Variants in CSMD1 observed in about 807,000 individuals in gnomAD.
CSMD1 encodes CUB and sushi domain-containing protein 1.
In CSMD1, 213 loss-of-function variants were observed where a neutral mutation model predicts 417.5. The ratio of observed to expected loss-of-function variants is 0.51; its 90% CI spans 0.46 to 0.57. The LOEUF is 0.57. Ranked by LOEUF, CSMD1 falls within the 20% of genes least tolerant of loss-of-function variation. The probability of loss-of-function intolerance (pLI) is 0.00; values close to 1 mark genes in which losing one functional copy is unlikely to be tolerated. For synonymous variants in CSMD1, 2,862 were observed against 1,736.8 expected (o/e 1.65, Z -16.11); for missense variants, 6,923 against 4,529.7 (o/e 1.53, Z -15.17).
At chr8:4,542,996 G>T (rs999933996) in intron 2 of CSMD1, among the ~76,000 whole-genome samples, 1 of 152,130 alleles carries the variant, frequency 6.6e-6, no homozygotes, top group African/African-American at 2.4e-5. Context: ...CAAATTGATA[G>T]TCTATATTTT....
At chr8:3,238,553 T>TA (rs1263346986) in intron 26 of CSMD1, among the ~76,000 whole-genome samples, 1 of 152,030 alleles carries the variant, frequency 6.6e-6, no homozygotes, top group Admixed American at 6.6e-5. Flanking sequence ...CATGGGAACT[T>TA]AGAGTGGGAG....
At chr8:4,096,025 A>T (rs1800988312) in intron 3 of CSMD1, among the ~76,000 whole-genome samples, 1 of 151,168 alleles carries the variant, frequency 6.6e-6, no homozygotes, top group African/African-American at 2.5e-5. Flanking sequence ...ATAATAATTC[A>T]TGGGTATAAT....
intron 3 of CSMD1, among the ~76,000 whole-genome samples, chr8:4,363,761 G>A (rs893479305): frequency 6.6e-6 from 1 of 152,084 alleles, no homozygotes; most frequent in Non-Finnish European, 1.5e-5. Context: ...CATTTTTCAT[G>A]GCTGAATAGT....
At chr8:2,999,358 C>G (rs551524347) in intron 53 of CSMD1, among the ~76,000 whole-genome samples, 2 of 151,918 alleles carry the variant, frequency 1.3e-5, no homozygotes, top group African/African-American at 2.4e-5. Context: ...GTTTTGCCAT[C>G]GGCCAGGCTC....
intron 21 of CSMD1, among the ~76,000 whole-genome samples, chr8:3,357,269 AG>A (rs1808856400): frequency 6.6e-6 from 1 of 152,236 alleles, no homozygotes. Context: ...CGGTGGTTAA[AG>A]GCTGAGTTGC....
intron 26 of CSMD1, among the ~76,000 whole-genome samples, chr8:3,283,503 C>G (rs117093615): frequency 0.013 from 1,916 of 151,396 alleles, 17 homozygotes; most frequent in Middle Eastern, 0.02. Context: ...AAAAGAATTC[C>G]CTAAAACAAA....
At chr8:3,614,734 T>G (rs901353553) in intron 8 of CSMD1, among the ~76,000 whole-genome samples, 1 of 152,190 alleles carries the variant, frequency 6.6e-6, no homozygotes, top group Non-Finnish European at 1.5e-5. Flanking sequence ...ATACACAAAG[T>G]ATATATCACA....
At chr8:4,980,143 C>G (rs985764155) in intron 1 of CSMD1, among the ~76,000 whole-genome samples, 2 of 152,218 alleles carry the variant, frequency 1.3e-5, no homozygotes, top group African/African-American at 4.8e-5. Flanking sequence ...AGCAATAAAA[C>G]CCTGTAACAC....
rs1801320715 is a variant in CSMD1 at position 4,613,832 on chromosome 8, T to C, written c.302+23510A>G. ...GGGAAATGGTTCAATGATGGTGTTA[T>C]TTTTGAAAGCAGAAGGCTGTCTAAT... On this transcript the variant is annotated intron_variant, in intron 2 of 69. Coordinates refer to ENST00000635120, the MANE Select transcript of CSMD1 (RefSeq NM_033225.6). 2.7e-5 allele frequency among the ~76,000 whole-genome samples: 4 copies of C among 150,938 alleles called. No homozygotes were observed. In the South Asian group the frequency reaches 6.3e-4, roughly 24 times the overall value.
intron 5 of CSMD1, among the ~76,000 whole-genome samples, chr8:3,911,333 C>T (rs1261309809): frequency 6.6e-6 from 1 of 151,054 alleles, no homozygotes; most frequent in African/African-American, 2.4e-5. Context: ...GGCTATATAT[C>T]CTAGCTAACA....
At chr8:4,151,240 T>C (rs1162923770) in intron 3 of CSMD1, among the ~76,000 whole-genome samples, 1 of 152,184 alleles carries the variant, frequency 6.6e-6, no homozygotes, top group Non-Finnish European at 1.5e-5. Flanking sequence ...CGGTGAAGTT[T>C]ACTTGGAAAG....
At chr8:3,678,130 T>C (rs182035411) in intron 7 of CSMD1, among the ~76,000 whole-genome samples, 1 of 152,252 alleles carries the variant, frequency 6.6e-6, no homozygotes, top group East Asian at 1.9e-4. Context: ...AGGTGATTTC[T>C]GCATTTCCAG....
intron 7 of CSMD1, among the ~76,000 whole-genome samples, chr8:3,645,401 G>C (rs945643481): frequency 1.3e-5 from 2 of 152,308 alleles, no homozygotes; most frequent in Non-Finnish European, 2.9e-5. Flanking sequence ...GCTCGGCTTC[G>C]GGTGTCTGGG....
chr8:3,392,258 AAAAAT>A (rs1185743023), intron 17 of CSMD1, among the ~76,000 whole-genome samples: 1 of 152,144 alleles, frequency 6.6e-6, no homozygotes, highest in African/African-American at 2.4e-5. Context: ...AGTATAATAA[AAAAAT>A]AAAATAAATA....
chr8:4,634,880 T>G (rs576819976), intron 2 of CSMD1, among the ~76,000 whole-genome samples: 1 of 152,320 alleles, frequency 6.6e-6, no homozygotes, highest in South Asian at 2.1e-4. Context: ...AGTAGAGACC[T>G]GTAACACTCA....
chr8:3,654,839 C>A (rs976938051), intron 7 of CSMD1, among the ~76,000 whole-genome samples: 1 of 152,106 alleles, frequency 6.6e-6, no homozygotes, highest in Non-Finnish European at 1.5e-5. Context: ...TAGAACACAT[C>A]ACCTGCTCTA....
At chr8:4,351,036 G>C (rs1026563667) in intron 3 of CSMD1, among the ~76,000 whole-genome samples, 3 of 151,940 alleles carry the variant, frequency 2.0e-5, no homozygotes, top group African/African-American at 7.3e-5. Context: ...CTCTATCAAA[G>C]AACAAATCTG....
chr8:4,075,283 G>C (rs1206730493), intron 3 of CSMD1, among the ~76,000 whole-genome samples: 1 of 151,958 alleles, frequency 6.6e-6, no homozygotes, highest in Non-Finnish European at 1.5e-5. Context: ...AAGATGAATT[G>C]TTGATATATG....
At chr8:4,342,754 G>C (rs991826835) in intron 3 of CSMD1, among the ~76,000 whole-genome samples, 42 of 152,120 alleles carry the variant, frequency 2.8e-4, no homozygotes, top group African/African-American at 9.6e-4. Context: ...TGCAGAAGAC[G>C]TGTTAAAAAG....
Sources: gnomAD v4.1 joint callset for allele counts (sites outside exome capture counted in the v4.1 genomes callset) on GRCh38, gnomAD v4.1.1 for gene constraint, MANE v1.5 for transcripts, NCBI Gene and HGNC (gene_info 2026-07-23, HGNC 2026-07-21) for gene names.